The following UGT3A1 variants were observed in gnomAD, a reference collection of about 807,000 sequenced individuals.
UGT3A1 encodes UDP-glycosyltransferase 3A1.
In UGT3A1, 40 loss-of-function variants were observed where a neutral mutation model predicts 37.6. The ratio of observed to expected loss-of-function variants is 1.06; its 90% confidence interval spans 0.83 to 1.38. The LOEUF (loss-of-function observed/expected upper bound fraction) is 1.38, where lower values mean the gene tolerates loss of function less well. Among genes scored for constraint, UGT3A1 ranks in the 40% most tolerant of loss-of-function variants. UGT3A1 has a pLI of 0.00. For missense variants in UGT3A1, 642 were observed against 634.2 expected, an observed-to-expected ratio of 1.01 and a Z score of -0.13; for synonymous variants, 256 against 232.3, an observed-to-expected ratio of 1.10 and a Z score of -0.93.
Position 35,951,250 on chromosome 5 carries a change from C to T in UGT3A1, c.*2952G>A, listed in dbSNP as rs1481714007. On this transcript the variant is annotated 3_prime_UTR_variant, in exon 7 of 7. Coordinates refer to ENST00000274278, the MANE Select transcript of UGT3A1 (RefSeq NM_152404.4). ...TTCCAAAATCCAAACTATGTAAAAA[C>T]ATAAACACATGGATCCTTCCACCCT... The T allele has an allele frequency of 2.0e-5, 3 of 152,056 alleles. No homozygotes were observed. The highest frequency in any genetic ancestry group is 4.4e-5 in the Non-Finnish European group (3 of 67,954). 9.4% of individuals were successfully genotyped at this position (152,056 alleles called of 1,614,324 possible).
rs1446926882 is a variant in UGT3A1 at position 35,955,786 on chromosome 5, A to G, written c.1154T>C (p.Met385Thr). 1 of 1,614,220 alleles carries G rather than the reference A, an allele frequency of 6.2e-7. No homozygotes were observed. The highest frequency in any genetic ancestry group is 1.1e-5 in the South Asian group (1 of 91,090). The change falls in exon 6 of 7, where the codon ATG (methionine) becomes ACG (threonine). Residue 385 changes from methionine (M) to threonine (T), a missense_variant. By Grantham distance (81) the Met-to-Thr change is moderately conservative (BLOSUM62 -1). Coordinates refer to ENST00000274278, the MANE Select transcript of UGT3A1 (RefSeq NM_152404.4). The stretch of plus-strand genomic sequence containing the variant: ...GTCTCCATTGACTGGTAATCCCACC[A>G]TGGGCACACCATGACGGATGGCCTC... ...VMEAIRHGVP[M>T]VGLPVNGDQH...
chr5:35,990,619 C>T (rs1483346518), intron 1 of UGT3A1, among the ~76,000 whole-genome samples: 4 of 152,096 alleles, frequency 2.6e-5, no homozygotes, highest in African/African-American at 9.7e-5. Flanking sequence ...GAGAAAAACA[C>T]TCCGCTGGCA....
At chr5:35,974,460 T>C (rs1051365725) in intron 2 of UGT3A1, among the ~76,000 whole-genome samples, 3 of 152,102 alleles carry the variant, frequency 2.0e-5, no homozygotes, top group Non-Finnish European at 4.4e-5. Flanking sequence ...ACCAAAGCAA[T>C]ATTGCACTCT....
chr5:35,963,000 A>C, intron 4 of UGT3A1: 1 of 699,878 alleles, frequency 1.4e-6, no homozygotes, highest in Non-Finnish European at 2.6e-6. Flanking sequence ...TCCTTCTTTC[A>C]ATGAAAACTC....
chr5:35,966,047 A>G (rs1739797651), intron 3 of UGT3A1, 130 bp from the exon 4 acceptor site: 1 of 713,530 alleles, frequency 1.4e-6, no homozygotes, highest in Admixed American at 3.5e-5. Context: ...CCCATTCTAC[A>G]ATGTTTCAAC....
At chr5:35,993,322 G>A (rs1049273062), upstream of UGT3A1, among the ~76,000 whole-genome samples, 12 of 152,070 alleles carry the variant, frequency 7.9e-5, no homozygotes, top group Non-Finnish European at 1.5e-4. Flanking sequence ...AAATTAGCTG[G>A]GCGTGGTAGC....
Position 35,951,892 on chromosome 5 carries a change from C to CT in UGT3A1, c.*2309dup. The stretch of plus-strand genomic sequence containing the variant: ...GTGTGAAGTCTGGATCAAATATTGC[C>CT]TTTTTTCTCAATATTATCCAGTTGT... On this transcript the variant is annotated 3_prime_UTR_variant, in exon 7 of 7. Coordinates refer to ENST00000274278, the MANE Select transcript of UGT3A1 (RefSeq NM_152404.4). 1 of 152,208 alleles carries CT rather than the reference C, an allele frequency of 6.6e-6. No homozygotes were observed. The highest frequency in any genetic ancestry group is 3.4e-3 in the Middle Eastern group (1 of 294). The allele number at this position is 152,208 out of a possible 1,614,324, so 9.4% of individuals were successfully genotyped here. A position where few individuals can be genotyped will look rare whatever the true frequency, so the allele number is the denominator to read the frequency against.
At chr5:35,958,443 G>A (rs999769804) in intron 4 of UGT3A1, among the ~76,000 whole-genome samples, 6 of 152,170 alleles carry the variant, frequency 3.9e-5, no homozygotes, top group African/African-American at 1.4e-4. Context: ...ATTCCATCCA[G>A]CATAACACTG....
intron 2 of UGT3A1, among the ~76,000 whole-genome samples, chr5:35,969,026 A>C (rs1404027345): frequency 6.6e-6 from 1 of 152,212 alleles, no homozygotes; most frequent in Non-Finnish European, 1.5e-5. Flanking sequence ...TGTGGTTGAC[A>C]GTAACTCAGT....
chr5:35,978,844 T>C (rs1740405617), intron 2 of UGT3A1, among the ~76,000 whole-genome samples: 1 of 152,126 alleles, frequency 6.6e-6, no homozygotes, highest in Non-Finnish European at 1.5e-5. Flanking sequence ...TATGAGCCTG[T>C]AAAATCAAAA....
chr5:35,960,434 C>A (rs1045832133), intron 4 of UGT3A1, among the ~76,000 whole-genome samples: 1 of 152,160 alleles, frequency 6.6e-6, no homozygotes, highest in Admixed American at 6.5e-5. Context: ...CCTGACCCCC[C>A]CTCACAGGGT....
At chr5:35,990,050 C>A (rs879340144) in intron 1 of UGT3A1, among the ~76,000 whole-genome samples, 5 of 151,414 alleles carry the variant, frequency 3.3e-5, no homozygotes, top group Non-Finnish European at 7.4e-5. Flanking sequence ...TGAGATGGCG[C>A]CACTGCACTT....
rs777479381 is a variant in UGT3A1, at chr5:35,955,710, G to A, written c.1230C>T (p.Ile410=). 9.3e-6 allele frequency: 15 copies of A among 1,614,050 alleles called. No individual in the cohort carries two copies. The highest frequency in any genetic ancestry group is 1.2e-5 in the Non-Finnish European group (14 of 1,180,040). ...TGTCGGCTGTGACCTGATTCAACCG[G>A]ATAGAGACACCATAATTTTTGGCTA... ...RVVAKNYGVS[I]RLNQVTADTL... Residue 410 remains isoleucine (I), a synonymous_variant, in exon 6 of 7, where the codon ATC becomes ATT. Coordinates refer to ENST00000274278, the MANE Select transcript of UGT3A1 (RefSeq NM_152404.4).
upstream of UGT3A1, among the ~76,000 whole-genome samples, chr5:35,994,830 C>A (rs1741056812): frequency 6.6e-6 from 1 of 152,160 alleles, no homozygotes; most frequent in Non-Finnish European, 1.5e-5. Flanking sequence ...CCCGGAGGAA[C>A]ATAAAGTTCC....
intron 2 of UGT3A1, among the ~76,000 whole-genome samples, chr5:35,980,166 C>T (rs1452488443): frequency 6.6e-6 from 1 of 152,082 alleles, no homozygotes; most frequent in Non-Finnish European, 1.5e-5. Context: ...CTGTAAAATG[C>T]TTTAAAAATG....
At chr5:35,993,348 C>A (rs1044808215), upstream of UGT3A1, among the ~76,000 whole-genome samples, 2 of 151,986 alleles carry the variant, frequency 1.3e-5, no homozygotes, top group Admixed American at 6.5e-5. Context: ...CCTGTAATCC[C>A]AGCTACTCGA....
At chr5:35,978,749 C>T (rs1302536993) in intron 2 of UGT3A1, among the ~76,000 whole-genome samples, 1 of 152,090 alleles carries the variant, frequency 6.6e-6, no homozygotes, top group Non-Finnish European at 1.5e-5. Context: ...TCCCAATAGT[C>T]CCCCATAGTC....
intron 2 of UGT3A1, among the ~76,000 whole-genome samples, chr5:35,970,232 T>C (rs1270985668): frequency 6.6e-6 from 1 of 151,810 alleles, no homozygotes; most frequent in Non-Finnish European, 1.5e-5. Flanking sequence ...CTACTAAAAA[T>C]ACAAAAATAA....
chr5:35,954,480 T>G lies in UGT3A1; in HGVS notation c.1296-2A>C, dbSNP rs760481688. The G allele has an allele frequency of 1.1e-5, 17 of 1,613,226 alleles. No homozygotes were observed. The highest frequency in any genetic ancestry group is 1.7e-5 in the Admixed American group (1 of 59,972). On this transcript the variant is annotated splice_acceptor_variant, in intron 6 of 6. Coordinates refer to ENST00000274278, the MANE Select transcript of UGT3A1 (RefSeq NM_152404.4). LOFTEE classifies it high-confidence loss of function. ...GCTGCCACCACTGCCGACTTGTACCTGTTGGCGGAGACAGAGAGGGTGTGT... is the reference window on the plus strand; with the variant it reads ...GCTGCCACCACTGCCGACTTGTACCGGTTGGCGGAGACAGAGAGGGTGTGT...
Sources: gnomAD v4.1 joint callset for allele counts (sites outside exome capture counted in the v4.1 genomes callset) on GRCh38, gnomAD v4.1.1 for gene constraint, MANE v1.5 for transcripts, NCBI Gene and HGNC (gene_info 2026-07-23, HGNC 2026-07-21) for gene names.